The following RXYLT1 variants were observed in gnomAD, a reference collection of about 807,000 sequenced individuals.
The protein encoded by RXYLT1 is ribitol-5-phosphate xylosyltransferase 1.
Under a neutral mutation model 43.5 loss-of-function variants are expected in RXYLT1, and 41 were observed. The ratio of observed to expected loss-of-function variants is 0.94; its 90% confidence interval spans 0.73 to 1.22. RXYLT1 has a LOEUF of 1.22. Among genes scored for constraint, RXYLT1 ranks in the 50% most tolerant of loss-of-function variants. The pLI is 0.00. For synonymous variants in RXYLT1, 166 were observed against 194.4 expected, an observed-to-expected ratio of 0.85 and a Z score of 1.21; for missense variants, 514 against 532.0, an observed-to-expected ratio of 0.97 and a Z score of 0.33.
At chr12:63,791,665 A>G (rs190394692) in intron 3 of RXYLT1, among the ~76,000 whole-genome samples, 1 of 152,370 alleles carries the variant, frequency 6.6e-6, no homozygotes, top group Admixed American at 6.5e-5. Flanking sequence ...CAGTATTTCA[A>G]AATGCCACAT....
At chr12:63,780,522 A>T in intron 1 of RXYLT1, 1 of 1,040,594 alleles carries the variant, frequency 9.6e-7, no homozygotes, top group Non-Finnish European at 1.2e-6. Flanking sequence ...AGTGACCATA[A>T]GGCAGACTTT....
At chr12:63,789,593 T>G (rs1231602171) in intron 3 of RXYLT1, among the ~76,000 whole-genome samples, 2 of 152,198 alleles carry the variant, frequency 1.3e-5, no homozygotes, top group African/African-American at 4.8e-5. Flanking sequence ...TAAAAAACTC[T>G]TTATTTGCAA....
chr12:63,786,463 A>G (rs1565900227), intron 3 of RXYLT1, among the ~76,000 whole-genome samples: 1 of 152,136 alleles, frequency 6.6e-6, no homozygotes, highest in Non-Finnish European at 1.5e-5. Flanking sequence ...TATGAAAGTT[A>G]TGTTTACACT....
chr12:63,784,842 G>A (rs778991248), intron 2 of RXYLT1, 128 bp from the exon 3 acceptor site: 11 of 644,706 alleles, frequency 1.7e-5, no homozygotes, highest in East Asian at 3.0e-5. Context: ...GCCTGCCAAC[G>A]GCCCAAAGGA....
Position 63,792,357 on chromosome 12 carries a change from TTCTC to T in RXYLT1, c.428+7290_428+7293del, listed in dbSNP as rs538305726. On this transcript the variant is annotated intron_variant, in intron 3 of 5. Coordinates refer to ENST00000261234, the MANE Select transcript of RXYLT1 (RefSeq NM_014254.3). ...GACAGAAGACAGCTGCTGAAACTCTTTCTCTCTCATCACTCCTGTTCAGCCGATG... is the reference window on the plus strand; with the variant it reads ...GACAGAAGACAGCTGCTGAAACTCTTTCTCATCACTCCTGTTCAGCCGATG... Among the ~76,000 whole-genome samples, 476 of 152,322 alleles carry T rather than the reference TTCTC, an allele frequency of 3.1e-3. 8 individuals are homozygous for T. Among genetic ancestry groups the T allele is most frequent in the African/African-American group, 0.011 (446 of 41,582 alleles).
chr12:63,781,001 T>A lies in RXYLT1; in HGVS notation c.170-18T>A, dbSNP rs376427001. 1.7e-5 allele frequency: 27 copies of A among 1,553,016 alleles called. No homozygotes were observed. Among genetic ancestry groups the A allele is most frequent in the Non-Finnish European group, 2.2e-5 (25 of 1,155,426 alleles). ...GCAATAATACCTTACTGGTAAACACTTACTCTTTTTAAAACAGAACAGTCC... is the reference window on the plus strand; with the variant it reads ...GCAATAATACCTTACTGGTAAACACATACTCTTTTTAAAACAGAACAGTCC... On this transcript the variant is annotated intron_variant, in intron 1 of 5. Coordinates refer to ENST00000261234, the MANE Select transcript of RXYLT1 (RefSeq NM_014254.3).
At chr12:63,802,011 TA>T in intron 3 of RXYLT1, 79 bp from the exon 4 acceptor site, 24 of 1,307,552 alleles carry the variant, frequency 1.8e-5, no homozygotes, top group Non-Finnish European at 2.3e-5. Context: ...AGATTTTGTA[TA>T]AAATGATGAA....
At chr12:63,797,925 T>C (rs1476030516) in intron 3 of RXYLT1, among the ~76,000 whole-genome samples, 1 of 152,096 alleles carries the variant, frequency 6.6e-6, no homozygotes, top group Non-Finnish European at 1.5e-5. Context: ...ATTAATTAGA[T>C]GGGAAGATGA....
At chr12:63,780,251 G>A in intron 1 of RXYLT1, 122 bp downstream of exon 1, 2 of 1,380,304 alleles carry the variant, frequency 1.4e-6, no homozygotes, top group Non-Finnish European at 1.9e-6. Context: ...CCTGAGAAGC[G>A]CTTTGCCCCC....
At chr12:63,800,517 T>C (rs1225545774) in intron 3 of RXYLT1, among the ~76,000 whole-genome samples, 1 of 152,172 alleles carries the variant, frequency 6.6e-6, no homozygotes, top group East Asian at 1.9e-4. Context: ...TAATACATAC[T>C]AGTGAAAATA....
At chr12:63,792,525 C>T (rs1897939319) in intron 3 of RXYLT1, among the ~76,000 whole-genome samples, 1 of 152,204 alleles carries the variant, frequency 6.6e-6, no homozygotes, top group South Asian at 2.1e-4. Context: ...TCCAGCCTGG[C>T]AGAGTAAACA....
At chr12:63,785,693 A>T (rs917949482) in intron 3 of RXYLT1, among the ~76,000 whole-genome samples, 15 of 152,074 alleles carry the variant, frequency 9.9e-5, no homozygotes, top group Non-Finnish European at 1.9e-4. Flanking sequence ...TAATTTTATC[A>T]TATGAAATGC....
chr12:63,797,070 TCTC>T (rs1409747303), intron 3 of RXYLT1, among the ~76,000 whole-genome samples: 2 of 151,270 alleles, frequency 1.3e-5, no homozygotes, highest in African/African-American at 4.9e-5. Flanking sequence ...TTCAAGCAAT[TCTC>T]CTGCCTCAGC....
Position 63,789,055 on chromosome 12 carries a change from T to C in RXYLT1, c.428+3983T>C, listed in dbSNP as rs575422063. Among the ~76,000 whole-genome samples, 12 of 152,308 alleles carry C rather than the reference T, an allele frequency of 7.9e-5. 1 individual carries two copies. The highest frequency in any genetic ancestry group is 2.9e-4 in the African/African-American group (12 of 41,572). On this transcript the variant is annotated intron_variant, in intron 3 of 5. Coordinates refer to ENST00000261234, the MANE Select transcript of RXYLT1 (RefSeq NM_014254.3). ...GAAAAGAGGGATAAGGAAGGGGTTTTACTGGCCCAACCAGAAACAGAAACT... is the reference window on the plus strand; with the variant it reads ...GAAAAGAGGGATAAGGAAGGGGTTTCACTGGCCCAACCAGAAACAGAAACT...
At chr12:63,808,481 C>A in intron 5 of RXYLT1, 194 bp from the exon 6 acceptor site, 1 of 592,204 alleles carries the variant, frequency 1.7e-6, no homozygotes, top group Non-Finnish European at 2.9e-6. Flanking sequence ...AAATGTACAA[C>A]TGTAAAATGT....
chr12:63,786,262 T>G (rs1187739178), intron 3 of RXYLT1, among the ~76,000 whole-genome samples: 3 of 152,160 alleles, frequency 2.0e-5, no homozygotes, highest in African/African-American at 7.2e-5. Flanking sequence ...GTTACTATAA[T>G]AATAGTGAAA....
At chr12:63,786,217 TAA>T (rs1007210781) in intron 3 of RXYLT1, among the ~76,000 whole-genome samples, 2 of 152,194 alleles carry the variant, frequency 1.3e-5, no homozygotes, top group African/African-American at 4.8e-5. Context: ...TAAAAATTCA[TAA>T]AGTTAGCATC....
intron 5 of RXYLT1, chr12:63,806,499 C>G (rs1438091193): frequency 6.6e-6 from 1 of 152,178 alleles, no homozygotes. Context: ...AAGACTATTC[C>G]AGACGTAGGG....
intron 3 of RXYLT1, among the ~76,000 whole-genome samples, chr12:63,800,920 C>CA (rs113859139): frequency 0.032 from 3,910 of 122,962 alleles, 91 homozygotes; most frequent in African/African-American, 0.071. Context: ...GACTCTGTCT[C>CA]AAAAAAAAAA....
Sources: gnomAD v4.1 joint callset for allele counts (sites outside exome capture counted in the v4.1 genomes callset) on GRCh38, gnomAD v4.1.1 for gene constraint, MANE v1.5 for transcripts, NCBI Gene and HGNC (gene_info 2026-07-23, HGNC 2026-07-21) for gene names.